The following TRDMT1 variants were observed in gnomAD, a reference collection of about 807,000 sequenced individuals.
The protein encoded by TRDMT1 is tRNA aspartic acid methyltransferase 1.
TRDMT1 carries 49 observed loss-of-function variants against 51.2 expected under a neutral mutation model. The observed-to-expected ratio is 0.96, with a 90% CI of 0.76 to 1.21. TRDMT1 has a LOEUF of 1.21. TRDMT1 is among the 50% of genes most tolerant of loss of function. TRDMT1 has a pLI of 0.00. For synonymous variants in TRDMT1, 187 were observed against 164.6 expected, an observed-to-expected ratio of 1.14 and a Z score of -1.04; for missense variants, 534 against 462.3, an observed-to-expected ratio of 1.16 and a Z score of -1.42.
chr10:17,162,247 TAAAAAAAAAA>T lies in TRDMT1; in HGVS notation c.252-20_252-11del. On this transcript the variant is annotated splice_polypyrimidine_tract_variant and intron_variant, in intron 3 of 10. Coordinates refer to ENST00000377799, the MANE Select transcript of TRDMT1 (RefSeq NM_004412.7). ...ACCCTGCCGGCCAATCCTAAAGGGG[TAAAAAAAAAA>T]AAAAACAAAAAAAAACACAGAAAGT... The T allele has an allele frequency of 2.2e-6, 3 of 1,352,330 alleles. No individual in the cohort carries two copies. The highest frequency in any genetic ancestry group is 2.8e-5 in the South Asian group (2 of 70,430). The allele number at this position is 1,352,330 out of a possible 1,614,324, so 83.8% of individuals were successfully genotyped here. A position where few individuals can be genotyped will look rare whatever the true frequency, so the allele number is the denominator to read the frequency against.
chr10:17,151,374 A>C (rs1159257385), intron 10 of TRDMT1: 1 of 985,230 alleles, frequency 1.0e-6, no homozygotes, highest in Non-Finnish European at 1.2e-6. Flanking sequence ...TTTCTTCAAA[A>C]GCCCGCTACC....
At position 17,145,713 on chromosome 10, in the gene TRDMT1, T is replaced by C. The variant is rs140775567; in HGVS notation, c.*3327A>G. The C allele has an allele frequency of 3.0e-6, 3 of 985,480 alleles. No homozygotes were observed. In the African/African-American group the frequency reaches 5.2e-5, roughly 17 times the overall value. The allele number at this position is 985,480 out of a possible 1,614,324, so 61.0% of individuals were successfully genotyped here. On this transcript the variant is annotated 3_prime_UTR_variant, in exon 11 of 11. Coordinates refer to ENST00000377799, the MANE Select transcript of TRDMT1 (RefSeq NM_004412.7). Reference sequence around the variant, plus strand: ...GTCCTTATTGTGTTATCTTGGCTTTTTTAGAAACCGCTTGTTTCTAAACTC... The same window carrying C: ...GTCCTTATTGTGTTATCTTGGCTTTCTTAGAAACCGCTTGTTTCTAAACTC...
Position 17,138,801 on chromosome 10 carries a change from G to GA in TRDMT1, c.*10238dup, listed in dbSNP as rs1232616703. 6.6e-6 allele frequency among the ~76,000 whole-genome samples: 1 copy of GA among 151,338 alleles called. No individual in the cohort carries two copies. Among genetic ancestry groups the GA allele is most frequent in the East Asian group, 1.9e-4 (1 of 5,164 alleles). ...AATATAATCCCTTCATAAACAATGA[G>GA]AAAAAAATAACGAAATTCAAATCCA... On this transcript the variant is annotated 3_prime_UTR_variant, in exon 11 of 11. Transcript: ENST00000377799.
At chr10:17,153,682 G>C (rs192075678) in intron 9 of TRDMT1, 46 bp from the exon 10 acceptor site, 1 of 1,516,526 alleles carries the variant, frequency 6.6e-7, no homozygotes, top group East Asian at 2.3e-5. Flanking sequence ...TGTGCAACTA[G>C]ATTTAAGATC....
At chr10:17,160,188 A>T in intron 6 of TRDMT1, 117 bp downstream of exon 6, 1 of 529,930 alleles carries the variant, frequency 1.9e-6, no homozygotes, top group Non-Finnish European at 3.0e-6. Context: ...AACTATTTTC[A>T]GTTTACCTAT....
Position 17,143,396 on chromosome 10 carries a change from T to C in TRDMT1, c.*5644A>G, listed in dbSNP as rs1837839673. ...AGATCGTAACAGCTATTCAGCTTAT[T>C]GTCTACTCATTCATAGGATCAGCTC... On this transcript the variant is annotated 3_prime_UTR_variant, in exon 11 of 11. Transcript: ENST00000377799. 1.0e-6 allele frequency: 1 copy of C among 985,372 alleles called. No homozygotes were observed. Among genetic ancestry groups the C allele is most frequent in the Non-Finnish European group, 1.2e-6 (1 of 829,956 alleles). 61.0% of individuals were successfully genotyped at this position (985,372 alleles called of 1,614,324 possible).
At chr10:17,197,133 T>A (rs1437254720) in intron 1 of TRDMT1, among the ~76,000 whole-genome samples, 1 of 152,288 alleles carries the variant, frequency 6.6e-6, no homozygotes, top group East Asian at 1.9e-4. Flanking sequence ...TTTTTTTTCC[T>A]GATTATGTTA....
rs1419691008 is a variant in TRDMT1, at chr10:17,148,854, A to G, written c.*186T>C. 14 of 1,204,022 alleles carry G rather than the reference A, an allele frequency of 1.2e-5. No individual in the cohort carries two copies. Among genetic ancestry groups the G allele is most frequent in the South Asian group, 2.2e-5 (1 of 45,296 alleles). The allele number at this position is 1,204,022 out of a possible 1,614,324, so 74.6% of individuals were successfully genotyped here. On this transcript the variant is annotated 3_prime_UTR_variant, in exon 11 of 11. Coordinates refer to ENST00000377799, the MANE Select transcript of TRDMT1 (RefSeq NM_004412.7). ...AAAGCATAACAATAGTTCGTATTTT[A>G]TAAAATACAGTAATATAAATTTGAT...
intron 10 of TRDMT1, among the ~76,000 whole-genome samples, chr10:17,149,369 C>T (rs1342792873): frequency 6.6e-6 from 1 of 152,134 alleles, no homozygotes; most frequent in African/African-American, 2.4e-5. Flanking sequence ...GCTCAGCACA[C>T]ACACATGTAC....
chr10:17,154,020 T>C, intron 9 of TRDMT1, among the ~76,000 whole-genome samples: 1 of 152,208 alleles, frequency 6.6e-6, no homozygotes, highest in East Asian at 1.9e-4. Context: ...CTTTTATTTT[T>C]ATACTCAGGT....
At chr10:17,180,945 T>A (rs1393536006) in intron 1 of TRDMT1, among the ~76,000 whole-genome samples, 1 of 152,254 alleles carries the variant, frequency 6.6e-6, no homozygotes, top group East Asian at 1.9e-4. Flanking sequence ...TAAATTTTGC[T>A]AATGAAATTT....
Position 17,160,326 on chromosome 10 carries a change from C to T in TRDMT1, c.438G>A (p.Glu146=), listed in dbSNP as rs1840149877. ...TIENCGFQYQ[E]FLLSPTSLGI... ...CTACAGAGGTTGGAGATAATAGAAA[C>T]TCTTGGTACTGAAAGCCACAATTTT... Residue 146 remains glutamate (E), a synonymous_variant, in exon 6 of 11, where the codon GAG becomes GAA. Coordinates refer to ENST00000377799, the MANE Select transcript of TRDMT1 (RefSeq NM_004412.7). 2.5e-6 allele frequency: 4 copies of T among 1,568,770 alleles called. No homozygotes were observed. Among genetic ancestry groups the T allele is most frequent in the Middle Eastern group, 2.0e-4 (1 of 5,040 alleles).
In TRDMT1 at chr10:17,144,441, A is replaced by G; in HGVS notation, c.*4599T>C. 1.0e-6 allele frequency: 1 copy of G among 985,626 alleles called. No individual in the cohort carries two copies. The highest frequency in any genetic ancestry group is 1.2e-6 in the Non-Finnish European group (1 of 829,934). The allele number at this position is 985,626 out of a possible 1,614,324, so 61.1% of individuals were successfully genotyped here. On this transcript the variant is annotated 3_prime_UTR_variant, in exon 11 of 11. Transcript: ENST00000377799. ...AGTTCCTATCTTGTAATTTTTGTGAAAATTTCCGGTCTCATATTTATAGGA... is the reference window on the plus strand; with the variant it reads ...AGTTCCTATCTTGTAATTTTTGTGAGAATTTCCGGTCTCATATTTATAGGA...
intron 1 of TRDMT1, among the ~76,000 whole-genome samples, chr10:17,179,186 A>G (rs1373031154): frequency 6.6e-6 from 1 of 152,212 alleles, no homozygotes; most frequent in Non-Finnish European, 1.5e-5. Context: ...GAACGTCTCT[A>G]GAAAGTCTAT....
chr10:17,144,519 C>T lies in TRDMT1; in HGVS notation c.*4521G>A, dbSNP rs941047400. 9 of 985,748 alleles carry T rather than the reference C, an allele frequency of 9.1e-6. No individual in the cohort carries two copies. In the Admixed American group the frequency reaches 1.8e-4, roughly 20 times the overall value. 61.1% of individuals were successfully genotyped at this position (985,748 alleles called of 1,614,324 possible). Reference sequence around the variant, plus strand: ...TCAAGTGTGGTGTACTTGAGGGAGACTTCAGTAAGTGCTGGATGTGGCTGA... The same window carrying T: ...TCAAGTGTGGTGTACTTGAGGGAGATTTCAGTAAGTGCTGGATGTGGCTGA... On this transcript the variant is annotated 3_prime_UTR_variant, in exon 11 of 11. Transcript: ENST00000377799.
At chr10:17,156,333 C>T (rs1839502553) in intron 8 of TRDMT1, among the ~76,000 whole-genome samples, 1 of 151,796 alleles carries the variant, frequency 6.6e-6, no homozygotes, top group Non-Finnish European at 1.5e-5. Flanking sequence ...CCCCCAGATT[C>T]AAGCGATTCT....
At position 17,147,000 on chromosome 10, in the gene TRDMT1, T is replaced by C; in HGVS notation, c.*2040A>G. On this transcript the variant is annotated 3_prime_UTR_variant, in exon 11 of 11. Coordinates refer to ENST00000377799, the MANE Select transcript of TRDMT1 (RefSeq NM_004412.7). The stretch of plus-strand genomic sequence containing the variant: ...AATTTAAGAATTCCACTAAGCTACA[T>C]TCTGTCTACCAGTTTGTAAGCAAAT... 1.0e-6 allele frequency: 1 copy of C among 985,560 alleles called. No homozygotes were observed. 61.1% of individuals were successfully genotyped at this position (985,560 alleles called of 1,614,324 possible). A position where few individuals can be genotyped will look rare whatever the true frequency, so the allele number is the denominator to read the frequency against.
chr10:17,178,590 C>T (rs979223781), intron 1 of TRDMT1, among the ~76,000 whole-genome samples: 4 of 150,746 alleles, frequency 2.7e-5, no homozygotes, highest in African/African-American at 7.3e-5. Flanking sequence ...GCAGGAGAAT[C>T]GCTTCAACCC....
In TRDMT1 at chr10:17,159,225, C is replaced by G; in HGVS notation, c.464G>C (p.Gly155Ala). 6.3e-7 allele frequency: 1 copy of G among 1,599,404 alleles called. No homozygotes were observed. The highest frequency in any genetic ancestry group is 1.1e-5 in the South Asian group (1 of 88,866). The part of the protein sequence containing the change: ...QEFLLSPTSL[G>A]IPNSRLRYFL... ...ATATCGTAGCCTTGAATTTGGAATG[C>G]CAAGCTGTAAGCAAAGCAAAGCAGT... is the stretch of plus-strand genomic sequence containing the variant. The change falls in exon 7 of 11, where the codon GGC (glycine) becomes GCC (alanine). Residue 155 changes from glycine to alanine, a missense_variant. By Grantham distance (60) the Gly-to-Ala change is moderately conservative. Coordinates refer to ENST00000377799, the MANE Select transcript of TRDMT1 (RefSeq NM_004412.7).
Sources: allele counts gnomAD v4.1 joint callset (sites outside exome capture counted in the v4.1 genomes callset), GRCh38; gene constraint gnomAD v4.1.1; transcripts MANE v1.5; gene names NCBI Gene and HGNC (gene_info 2026-07-23, HGNC 2026-07-21).